Variants in COPZ2 observed in about 807,000 individuals in gnomAD.
The protein encoded by COPZ2 is coat protein complex I subunit zeta 2.
Under a neutral mutation model 33.2 loss-of-function variants are expected in COPZ2, and 30 were observed. That is an observed-to-expected ratio of 0.90 (90% CI 0.68 to 1.23). The LOEUF (loss-of-function observed/expected upper bound fraction) is 1.23. Ranked by LOEUF, COPZ2 falls within the 50% of genes most tolerant of loss-of-function variation. COPZ2 has a pLI of 0.00. For synonymous variants in COPZ2, 89 were observed against 102.6 expected (o/e 0.87, Z 0.80); for missense variants, 263 against 262.4 (o/e 1.00, Z -0.02).
intron 2 of COPZ2, among the ~76,000 whole-genome samples, chr17:48,034,382 A>T (rs1406869523): frequency 6.6e-6 from 1 of 152,182 alleles, no homozygotes. Context: ...CTGGGATTAC[A>T]GGCATGAGCC....
chr17:48,046,122 C>G, the COPZ2 span: 2 of 152,140 alleles, frequency 1.3e-5, no homozygotes, highest in Non-Finnish European at 2.9e-5. Flanking sequence ...TTTTTCTGCC[C>G]ACCTTTGTGA....
chr17:48,029,086 G>A, intron 7 of COPZ2, 39 bp downstream of exon 7: 1 of 1,550,952 alleles, frequency 6.4e-7, no homozygotes. Context: ...AGGACAGGAA[G>A]GGCAGCCTAA....
the COPZ2 span, chr17:48,046,954 AG>A: frequency 6.6e-5 from 10 of 152,246 alleles, no homozygotes; most frequent in African/African-American, 2.4e-4. Flanking sequence ...GCTTGAGTCC[AG>A]GAGTTCCAGT....
At chr17:48,043,007 A>T (rs2037076064), upstream of COPZ2, among the ~76,000 whole-genome samples, 1 of 152,252 alleles carries the variant, frequency 6.6e-6, no homozygotes, top group Non-Finnish European at 1.5e-5. Flanking sequence ...TCCACAGAGC[A>T]TGGCCCTAAG....
At chr17:48,037,872 G>T (rs2037017988), upstream of COPZ2, 4 of 979,316 alleles carry the variant, frequency 4.1e-6, no homozygotes, top group Non-Finnish European at 4.8e-6. This position sits in a 1 kb window ranked among gnomAD's most constrained non-coding sequence, Gnocchi z 5.6. Context: ...CTCGCGCGTG[G>T]CCTCCCTTTC....
At chr17:48,036,584 G>A (rs1203256988) in intron 2 of COPZ2, among the ~76,000 whole-genome samples, 1 of 152,222 alleles carries the variant, frequency 6.6e-6, no homozygotes, top group East Asian at 1.9e-4. Flanking sequence ...ACACTCCACT[G>A]ACCCATTAGG....
upstream of COPZ2, among the ~76,000 whole-genome samples, chr17:48,038,929 ATTTC>A (rs1183470132): frequency 1.3e-5 from 2 of 151,526 alleles, no homozygotes; most frequent in South Asian, 4.2e-4. Flanking sequence ...CTCAGTTCCT[ATTTC>A]TTTCTTTCAT....
In COPZ2 at chr17:48,033,946, T is replaced by C; in HGVS notation, c.187-2A>G. The C allele has an allele frequency of 6.3e-7, 1 of 1,599,560 alleles. No individual in the cohort carries two copies. Among genetic ancestry groups the C allele is most frequent in the Non-Finnish European group, 8.6e-7 (1 of 1,169,566 alleles). The stretch of plus-strand genomic sequence containing the variant: ...GGAGGGGAATGTGTCATCATAATAC[T>C]ATGAGAAAGGGAAGGAGAAAGGACC... On this transcript the variant is annotated splice_acceptor_variant, in intron 2 of 8. Transcript: ENST00000621465. LOFTEE classifies it high-confidence loss of function.
rs746428149 is a variant in COPZ2 at position 48,033,883 on chromosome 17, T to C, written c.248A>G (p.Asn83Ser). ...CTTACTCTCAGTCCGGCTGGTCTTG[T>C]TGAAGACATTTTTCTCGAAAACCAT... is the stretch of plus-strand genomic sequence containing the variant. The part of the protein sequence containing the change: ...EQMVFEKNVF[N>S]KTSRTESEIA... The change falls in exon 3 of 9, where the codon AAC becomes AGC. Residue 83 changes from asparagine (N) to serine (S), a missense_variant. Physicochemically the swap from Asn to Ser is conservative, Grantham distance 46. Transcript: ENST00000621465. 8.1e-6 allele frequency: 13 copies of C among 1,611,068 alleles called. No individual in the cohort carries two copies. The highest frequency in any genetic ancestry group is 1.1e-5 in the Non-Finnish European group (13 of 1,178,542).
chr17:48,028,421 C>T lies in COPZ2; in HGVS notation c.585+51G>A. ...TAGGATGCTCTAGGATGCTCTGCTCCCCGTATCTCTCTAGACCATTTCTAG... is the reference window on the plus strand; with the variant it reads ...TAGGATGCTCTAGGATGCTCTGCTCTCCGTATCTCTCTAGACCATTTCTAG... On this transcript the variant is annotated intron_variant, in intron 8 of 8. Transcript: ENST00000621465. The surrounding 1 kb of genome is among the most constrained non-coding windows in gnomAD (Gnocchi z 4.5). The T allele has an allele frequency of 1.3e-6, 2 of 1,572,226 alleles. No individual in the cohort carries two copies. The highest frequency in any genetic ancestry group is 1.7e-6 in the Non-Finnish European group (2 of 1,155,308).
In COPZ2 at chr17:48,037,658, G is replaced by T. The variant is rs544940144; in HGVS notation, c.111+9C>A. ...CCGCCCGGGATCCCCGCGCCCGCCCGCTCCGTACCCGCAGCCCCGAGGGCT... is the reference window on the plus strand; with the variant it reads ...CCGCCCGGGATCCCCGCGCCCGCCCTCTCCGTACCCGCAGCCCCGAGGGCT... On this transcript the variant is annotated intron_variant, in intron 1 of 8. Coordinates refer to ENST00000621465, the MANE Select transcript of COPZ2 (RefSeq NM_016429.4). This position sits in a 1 kb window ranked among gnomAD's most constrained non-coding sequence, Gnocchi z 5.6. 6 of 1,094,008 alleles carry T rather than the reference G, an allele frequency of 5.5e-6. No individual in the cohort carries two copies. The East Asian group carries it at 2.9e-4, about 52-fold the overall frequency. The allele number at this position is 1,094,008 out of a possible 1,614,324, so 67.8% of individuals were successfully genotyped here.
At chr17:48,034,225 C>T (rs2036944653) in intron 2 of COPZ2, among the ~76,000 whole-genome samples, 1 of 152,254 alleles carries the variant, frequency 6.6e-6, no homozygotes, top group African/African-American at 2.4e-5. Context: ...TCTCCTGCCT[C>T]AGCCTCCTGA....
At chr17:48,030,329 CAA>C (rs1491255486) in intron 6 of COPZ2, among the ~76,000 whole-genome samples, 36 of 141,376 alleles carry the variant, frequency 2.5e-4, no homozygotes, top group South Asian at 6.6e-4. Flanking sequence ...CACACACACA[CAA>C]AGAAACAAAC....
chr17:48,047,930 G>C, the COPZ2 span: 1 of 152,284 alleles, frequency 6.6e-6, no homozygotes, highest in South Asian at 2.1e-4. Context: ...TCAAGGCGAG[G>C]GTGTTCCGCA....
At position 48,033,889 on chromosome 17, in the gene COPZ2, A is replaced by T. The variant is rs1465818460; in HGVS notation, c.242T>A (p.Val81Asp). 3 of 1,611,752 alleles carry T rather than the reference A, an allele frequency of 1.9e-6. No homozygotes were observed. Among genetic ancestry groups the T allele is most frequent in the Non-Finnish European group, 1.7e-6 (2 of 1,178,938 alleles). Reference protein sequence around the residue: ...MKEQMVFEKNVFNKTSRTESE... With the variant: ...MKEQMVFEKNDFNKTSRTESE... ...CTCAGTCCGGCTGGTCTTGTTGAAG[A>T]CATTTTTCTCGAAAACCATCTGCTC... The change falls in exon 3 of 9, where the codon GTC becomes GAC. Residue 81 changes from valine to aspartate, a missense_variant. By Grantham distance (152) the Val-to-Asp change is radical. Transcript: ENST00000621465.
At chr17:48,036,449 C>T (rs145737233) in intron 2 of COPZ2, among the ~76,000 whole-genome samples, 133 of 152,280 alleles carry the variant, frequency 8.7e-4, no homozygotes, top group African/African-American at 3.1e-3. Flanking sequence ...TCCTTAGACT[C>T]CTTAGACTAA....
Position 48,028,477 on chromosome 17 carries a change from C to T in COPZ2, c.580G>A (p.Ala194Thr). ...DDGGLTEQSV[A>T]QVLQSAKEQI... ...GCAGATGCAGGGGGGCCTACCTGGG[C>T]CACACTCTGTTCAGTCAAGCCGCCA... The change falls in exon 8 of 9, where the codon GCC (alanine) becomes ACC (threonine). Residue 194 changes from alanine to threonine, a missense_variant. Transcript: ENST00000621465. The surrounding 1 kb of genome is among the most constrained non-coding windows in gnomAD (Gnocchi z 4.5). The T allele has an allele frequency of 6.2e-7, 1 of 1,609,520 alleles. No individual in the cohort carries two copies. Among genetic ancestry groups the T allele is most frequent in the Non-Finnish European group, 8.5e-7 (1 of 1,178,032 alleles).
At chr17:48,029,749 A>G (rs1250769830) in intron 6 of COPZ2, among the ~76,000 whole-genome samples, 3 of 150,318 alleles carry the variant, frequency 2.0e-5, no homozygotes, top group Non-Finnish European at 4.4e-5. Flanking sequence ...CGGGTGGATC[A>G]CCTGAGGTCA....
chr17:48,032,459 T>G (rs1197443524), intron 5 of COPZ2, among the ~76,000 whole-genome samples: 1 of 152,232 alleles, frequency 6.6e-6, no homozygotes, highest in East Asian at 1.9e-4. Context: ...CCTCCCATAC[T>G]TTGGGCCTTG....
Sources: allele counts gnomAD v4.1 joint callset (sites outside exome capture counted in the v4.1 genomes callset), GRCh38; gene constraint gnomAD v4.1.1; non-coding constraint Gnocchi (gnomAD v3.1); transcripts MANE v1.5; gene names NCBI Gene and HGNC (gene_info 2026-07-23, HGNC 2026-07-21).